DOCK8: variants seen among roughly 807,000 people sequenced by gnomAD.
The protein encoded by DOCK8 is dedicator of cytokinesis protein 8.
Under a neutral mutation model 245.6 loss-of-function variants are expected in DOCK8, and 141 were observed. The ratio of observed to expected loss-of-function variants is 0.57; its 90% CI spans 0.50 to 0.66. The LOEUF (loss-of-function observed/expected upper bound fraction) is 0.66. DOCK8 is among the 30% of genes least tolerant of loss of function. The pLI is 0.00. For missense variants in DOCK8, 2,965 were observed against 2,603.4 expected (o/e 1.14, Z -3.02); for synonymous variants, 1,168 against 970.2 (o/e 1.20, Z -3.79).
At chr9:256,972 C>T (rs2047791417) in intron 1 of DOCK8, among the ~76,000 whole-genome samples, 1 of 152,214 alleles carries the variant, frequency 6.6e-6, no homozygotes, top group South Asian at 2.1e-4. Context: ...TACAACTTTC[C>T]TGAGCCTGCT....
chr9:285,252 T>C (rs2048769801), intron 2 of DOCK8, among the ~76,000 whole-genome samples: 1 of 152,166 alleles, frequency 6.6e-6, no homozygotes, highest in South Asian at 2.1e-4. Context: ...TCTGATCTTA[T>C]TTCCTCTTGC....
chr9:271,749 T>G lies in DOCK8; in HGVS notation c.156+20T>G. ...CAACTAGTAAGTATGAGTTCCAGGT[T>G]TACTTAGCGATTGGTCAAGTGCAAA... On this transcript the variant is annotated intron_variant, in intron 2 of 47. Transcript: ENST00000432829. 6.5e-7 allele frequency: 1 copy of G among 1,530,516 alleles called. No homozygotes were observed. The highest frequency in any genetic ancestry group is 1.2e-5 in the South Asian group (1 of 83,226). The allele number at this position is 1,530,516 out of a possible 1,614,324, so 94.8% of individuals were successfully genotyped here. A position where few individuals can be genotyped will look rare whatever the true frequency, so the allele number is the denominator to read the frequency against.
chr9:420,774 G>T (rs1319869156), intron 31 of DOCK8, among the ~76,000 whole-genome samples, 175 bp from the exon 32 acceptor site: 1 of 152,212 alleles, frequency 6.6e-6, no homozygotes, highest in African/African-American at 2.4e-5. Flanking sequence ...CTTCTGCAGA[G>T]AGAACCCCAT....
At chr9:365,151 C>G (rs913612485) in intron 14 of DOCK8, among the ~76,000 whole-genome samples, 1 of 152,180 alleles carries the variant, frequency 6.6e-6, no homozygotes, top group African/African-American at 2.4e-5. Context: ...TTGTAGGGGA[C>G]TGACATAATT....
chr9:342,149 C>T (rs1441001832), intron 14 of DOCK8, among the ~76,000 whole-genome samples: 2 of 151,884 alleles, frequency 1.3e-5, no homozygotes, highest in South Asian at 2.1e-4. Context: ...CAAAACCATC[C>T]CCTGCCCCCC....
intron 33 of DOCK8, among the ~76,000 whole-genome samples, chr9:423,901 G>A (rs1242963534): frequency 6.6e-6 from 1 of 151,996 alleles, no homozygotes; most frequent in Non-Finnish European, 1.5e-5. Flanking sequence ...TGGTGTTTTG[G>A]AAAACCTTTC....
chr9:281,180 G>A (rs1257397227), intron 2 of DOCK8, among the ~76,000 whole-genome samples: 1 of 152,098 alleles, frequency 6.6e-6, no homozygotes, highest in Non-Finnish European at 1.5e-5. Flanking sequence ...CTTGAACCCA[G>A]GAGGTGGAGG....
rs1211923514 is a variant in DOCK8, at chr9:439,150, C to T, written c.5080-95C>T. 23 of 1,510,080 alleles carry T rather than the reference C, an allele frequency of 1.5e-5. No individual in the cohort carries two copies. In the East Asian group the frequency reaches 5.0e-4, roughly 33 times the overall value. 93.5% of individuals were successfully genotyped at this position (1,510,080 alleles called of 1,614,324 possible). The stretch of plus-strand genomic sequence containing the variant: ...TAGTCACGGTCTTGGTAAGGATCTG[C>T]ACACCAGCTTCCTCGTTTCCCCATT... On this transcript the variant is annotated intron_variant, in intron 39 of 47. Transcript: ENST00000432829.
At chr9:463,256 C>CAAAAAATAATAAAATAATAATAAA (rs2057861646) in intron 46 of DOCK8, among the ~76,000 whole-genome samples, 1 of 130,488 alleles carries the variant, frequency 7.7e-6, no homozygotes. Flanking sequence ...AGCCCCGTCT[C>CAAAAAATAATAAAATAATAATAAA]AAAAAATAAT....
At chr9:239,531 A>G (rs896005866) in intron 1 of DOCK8, among the ~76,000 whole-genome samples, 1 of 152,238 alleles carries the variant, frequency 6.6e-6, no homozygotes, top group Non-Finnish European at 1.5e-5. Flanking sequence ...GAGAAGAAGC[A>G]ATTGATCCTG....
At chr9:324,402 G>A (rs978181552) in intron 7 of DOCK8, among the ~76,000 whole-genome samples, 1 of 152,126 alleles carries the variant, frequency 6.6e-6, no homozygotes, top group African/African-American at 2.4e-5. Context: ...GGTGCTCTCT[G>A]CAGGTAACAT....
intron 1 of DOCK8, among the ~76,000 whole-genome samples, chr9:234,812 A>G (rs2047207696): frequency 6.6e-6 from 1 of 151,566 alleles, no homozygotes; most frequent in South Asian, 2.1e-4. Flanking sequence ...TTTTTTTTCA[A>G]AGCTTTTAAC....
chr9:224,379 T>G (rs1436577430), intron 1 of DOCK8, among the ~76,000 whole-genome samples: 1 of 152,188 alleles, frequency 6.6e-6, no homozygotes, highest in African/African-American at 2.4e-5. Flanking sequence ...ATAAAAATTC[T>G]ACCTCATTGC....
At chr9:270,107 G>A (rs773140924) in intron 1 of DOCK8, among the ~76,000 whole-genome samples, 9 of 152,134 alleles carry the variant, frequency 5.9e-5, no homozygotes, top group Admixed American at 1.3e-4. Context: ...GATTTGATCT[G>A]CATTTCCCAT....
At chr9:272,964 G>T in intron 2 of DOCK8, 1 of 864,372 alleles carries the variant, frequency 1.2e-6, no homozygotes, top group Non-Finnish European at 1.4e-6. Context: ...AAGAGGTTAG[G>T]TTACTTTTTG....
rs772531589 is a variant in DOCK8, at chr9:433,911, T to C, written c.4822T>C (p.Tyr1608His). ...TCTCTGTAATCTGAATAGCATCTTA[T>C]ATGACACAGTGAAAATGAGGGAATT... ...ELLCNLNSIL[Y>H]DTVKMREFQE... is the part of the protein sequence containing the mutation. The change falls in exon 38 of 48, where the codon TAT (tyrosine) becomes CAT (histidine). Residue 1608 changes from tyrosine to histidine, a missense_variant. By Grantham distance (83) the Tyr-to-His change is moderately conservative. Coordinates refer to ENST00000432829, the MANE Select transcript of DOCK8 (RefSeq NM_203447.4). The C allele has an allele frequency of 5.6e-6, 9 of 1,614,134 alleles. No homozygotes were observed. The highest frequency in any genetic ancestry group is 6.8e-6 in the Non-Finnish European group (8 of 1,179,990).
At chr9:245,952 G>T (rs1408572069) in intron 1 of DOCK8, among the ~76,000 whole-genome samples, 1 of 152,166 alleles carries the variant, frequency 6.6e-6, no homozygotes, top group Non-Finnish European at 1.5e-5. Flanking sequence ...GGGCATGGTG[G>T]CTCACACCTG....
intron 29 of DOCK8, among the ~76,000 whole-genome samples, chr9:416,099 A>G (rs1484119726): frequency 6.6e-6 from 1 of 152,186 alleles, no homozygotes; most frequent in Non-Finnish European, 1.5e-5. Context: ...CAGAAGAGAA[A>G]GGTTGAGACA....
intron 1 of DOCK8, among the ~76,000 whole-genome samples, chr9:231,668 T>C (rs1446474077): frequency 1.3e-5 from 2 of 152,204 alleles, no homozygotes; most frequent in Non-Finnish European, 2.9e-5. Flanking sequence ...CAATTGTGAA[T>C]GGGAGTTCAC....
Sources: allele counts gnomAD v4.1 joint callset (sites outside exome capture counted in the v4.1 genomes callset), GRCh38; gene constraint gnomAD v4.1.1; transcripts MANE v1.5; gene names NCBI Gene and HGNC (gene_info 2026-07-23, HGNC 2026-07-21).